FCMR: variants seen among roughly 807,000 people sequenced by gnomAD.
FCMR encodes Fc mu receptor.
Under a neutral mutation model 41.6 loss-of-function variants are expected in FCMR, and 34 were observed. The observed-to-expected ratio is 0.82, with a 90% CI of 0.62 to 1.09. The LOEUF (loss-of-function observed/expected upper bound fraction) is 1.09, where lower values mean the gene tolerates loss of function less well. Among genes scored for constraint, FCMR ranks in the 50% least tolerant of loss-of-function variants. FCMR has a pLI of 0.00. For synonymous variants in FCMR, 209 were observed against 211.8 expected (o/e 0.99, Z 0.12); for missense variants, 496 against 512.5 (o/e 0.97, Z 0.31).
In FCMR at chr1:206,904,348, T is replaced by C. The variant is rs993187581; in HGVS notation, c.*671A>G. The C allele has an allele frequency of 4.0e-5, 6 of 151,732 alleles. No homozygotes were observed. Among genetic ancestry groups the C allele is most frequent in the Non-Finnish European group, 7.4e-5 (5 of 67,992 alleles). 9.4% of individuals were successfully genotyped at this position (151,732 alleles called of 1,614,324 possible). On this transcript the variant is annotated 3_prime_UTR_variant, in exon 8 of 8. Transcript: ENST00000367091. ...AGATGCTGAGGTCAGGGCACTTATGTGCATCAAGTGATGGAGACAGAGTAA... is the reference window on the plus strand; with the variant it reads ...AGATGCTGAGGTCAGGGCACTTATGCGCATCAAGTGATGGAGACAGAGTAA...
At chr1:206,914,304 C>CT (rs1397746427) in intron 1 of FCMR, among the ~76,000 whole-genome samples, 1 of 143,400 alleles carries the variant, frequency 7.0e-6, no homozygotes, top group East Asian at 2.1e-4. Context: ...TTTTCTTTTT[C>CT]TTTTCTTTCC....
In FCMR at chr1:206,904,365, A is replaced by AC. The variant is rs1349108144; in HGVS notation, c.*653dup. 2.1e-4 allele frequency: 32 copies of AC among 151,604 alleles called. No homozygotes were observed. The highest frequency in any genetic ancestry group is 4.1e-4 in the Non-Finnish European group (28 of 68,012). 9.4% of individuals were successfully genotyped at this position (151,604 alleles called of 1,614,324 possible). A position where few individuals can be genotyped will look rare whatever the true frequency, so the allele number is the denominator to read the frequency against. On this transcript the variant is annotated 3_prime_UTR_variant, in exon 8 of 8. Coordinates refer to ENST00000367091, the MANE Select transcript of FCMR (RefSeq NM_005449.5). ...CACTTATGTGCATCAAGTGATGGAG[A>AC]CAGAGTAAAGAGAATTTATGGATAT...
At position 206,904,964 on chromosome 1, in the gene FCMR, G is replaced by C. The variant is rs1678557706; in HGVS notation, c.*55C>G. The C allele has an allele frequency of 1.6e-5, 25 of 1,597,180 alleles. No homozygotes were observed. The South Asian group carries it at 2.2e-4, about 14-fold the overall frequency. ...AGGTATTGGACATCAGCAGATAGATGAGACTCCTTGGCACCACAGTCCGAG... is the reference window on the plus strand; with the variant it reads ...AGGTATTGGACATCAGCAGATAGATCAGACTCCTTGGCACCACAGTCCGAG... On this transcript the variant is annotated 3_prime_UTR_variant, in exon 8 of 8. Transcript: ENST00000367091.
upstream of FCMR, among the ~76,000 whole-genome samples, chr1:206,922,156 A>G (rs1226196879): frequency 6.6e-6 from 1 of 152,220 alleles, no homozygotes; most frequent in Non-Finnish European, 1.5e-5. Flanking sequence ...ATTAGCAGTG[A>G]CCAGGCCTGA....
Position 206,912,900 on chromosome 1 carries a change from C to T in FCMR, c.487+29G>A, listed in dbSNP as rs757522550. ...CACATTGCCACAGCATCTCACCCAC[C>T]TCTCCTACCCTTGCTATGGTGAACT... On this transcript the variant is annotated intron_variant, in intron 3 of 7. Coordinates refer to ENST00000367091, the MANE Select transcript of FCMR (RefSeq NM_005449.5). 2.9e-5 allele frequency: 42 copies of T among 1,445,562 alleles called. No homozygotes were observed. In the South Asian group the frequency reaches 4.7e-4, roughly 16 times the overall value. 89.5% of individuals were successfully genotyped at this position (1,445,562 alleles called of 1,614,324 possible).
intron 1 of FCMR, 130 bp from the exon 2 acceptor site, chr1:206,914,224 G>T: frequency 1.5e-6 from 1 of 666,484 alleles, no homozygotes; most frequent in Non-Finnish European, 2.6e-6. Context: ...TTCATCCCCA[G>T]ATCCAGCCCT....
chr1:206,904,795 C>A lies in FCMR; in HGVS notation c.*224G>T. 1 of 548,400 alleles carries A rather than the reference C, an allele frequency of 1.8e-6. No individual in the cohort carries two copies. Among genetic ancestry groups the A allele is most frequent in the Admixed American group, 3.1e-5 (1 of 32,054 alleles). 34.0% of individuals were successfully genotyped at this position (548,400 alleles called of 1,614,324 possible). Reference sequence around the variant, plus strand: ...GCATTGGGACAATTGCTCTACATGCCTACAGCTTACCTGTCAACTACAGGG... The same window carrying A: ...GCATTGGGACAATTGCTCTACATGCATACAGCTTACCTGTCAACTACAGGG... On this transcript the variant is annotated 3_prime_UTR_variant, in exon 8 of 8. Coordinates refer to ENST00000367091, the MANE Select transcript of FCMR (RefSeq NM_005449.5).
intron 3 of FCMR, among the ~76,000 whole-genome samples, chr1:206,912,256 G>A (rs1215397137): frequency 1.3e-5 from 2 of 152,162 alleles, no homozygotes; most frequent in African/African-American, 4.8e-5. Context: ...GCCTTGTGCT[G>A]TATTTGCGTG....
At chr1:206,907,084 G>A (rs1678683189) in intron 7 of FCMR, among the ~76,000 whole-genome samples, 1 of 59,050 alleles carries the variant, frequency 1.7e-5, no homozygotes, top group Non-Finnish European at 3.3e-5. Flanking sequence ...AGAAGCCGGG[G>A]GGTGGGGGGG....
At chr1:206,911,249 T>TC (rs1421431161) in intron 4 of FCMR, among the ~76,000 whole-genome samples, 1 of 151,770 alleles carries the variant, frequency 6.6e-6, no homozygotes, top group East Asian at 1.9e-4. Flanking sequence ...TTTTTTTTTT[T>TC]TGGAGTCTGC....
At chr1:206,912,738 G>C (rs1033482844) in intron 3 of FCMR, among the ~76,000 whole-genome samples, 191 bp downstream of exon 3, 2 of 152,162 alleles carry the variant, frequency 1.3e-5, no homozygotes, top group Non-Finnish European at 2.9e-5. Context: ...CCTGACTGTC[G>C]GACAGGCTTG....
chr1:206,917,843 C>G, intron 1 of FCMR: 1 of 453,668 alleles, frequency 2.2e-6, no homozygotes, highest in Non-Finnish European at 4.4e-6. Flanking sequence ...GGTCTTGAAT[C>G]CCAGGCTCAA....
At position 206,905,042 on chromosome 1, in the gene FCMR, C is replaced by T. The variant is rs762854507; in HGVS notation, c.1150G>A (p.Asp384Asn). 3.1e-6 allele frequency: 5 copies of T among 1,614,098 alleles called. No individual in the cohort carries two copies. Among genetic ancestry groups the T allele is most frequent in the Non-Finnish European group, 3.4e-6 (4 of 1,180,004 alleles). Reference protein sequence around the residue: ...AAMMEDSDSDDYINVPA With the variant: ...AAMMEDSDSDNYINVPA ...TGTCAGGCAGGAACATTGATGTAGT[C>T]ATCTGAATCACTGTCCTCCATCATG... Residue 384 changes from aspartate (D) to asparagine (N), a missense_variant, in exon 8 of 8, where the codon GAC (aspartate) becomes AAC (asparagine). Asp to Asn is a conservative substitution (Grantham distance 23). Coordinates refer to ENST00000367091, the MANE Select transcript of FCMR (RefSeq NM_005449.5).
chr1:206,907,827 C>G, intron 7 of FCMR: 1 of 1,402,556 alleles, frequency 7.1e-7, no homozygotes, highest in Non-Finnish European at 1.0e-6. Context: ...TCCCGAGGTC[C>G]CTACCACTTC....
chr1:206,922,314 A>G (rs1397769252), upstream of FCMR, among the ~76,000 whole-genome samples: 1 of 152,210 alleles, frequency 6.6e-6, no homozygotes, highest in Non-Finnish European at 1.5e-5. Flanking sequence ...GAAAGGCTGT[A>G]TGGGCAGACG....
intron 1 of FCMR, 61 bp from the exon 2 acceptor site, chr1:206,914,155 C>T (rs1558003717): frequency 1.5e-6 from 2 of 1,328,640 alleles, no homozygotes; most frequent in South Asian, 2.5e-5. Context: ...CCAGCCCCAT[C>T]TACTTCCCAG....
Position 206,904,485 on chromosome 1 carries a change from G to A in FCMR, c.*534C>T, listed in dbSNP as rs1251760872. On this transcript the variant is annotated 3_prime_UTR_variant, in exon 8 of 8. Coordinates refer to ENST00000367091, the MANE Select transcript of FCMR (RefSeq NM_005449.5). ...GAGATAAGTAGACGTTCACTAGCAA[G>A]TGCTAACATTTGGATCAGGGCAAAG... is the stretch of plus-strand genomic sequence containing the variant. The A allele has an allele frequency of 6.4e-6, 1 of 155,574 alleles. No individual in the cohort carries two copies. Among genetic ancestry groups the A allele is most frequent in the Admixed American group, 6.2e-5 (1 of 16,178 alleles). 9.6% of individuals were successfully genotyped at this position (155,574 alleles called of 1,614,324 possible).
chr1:206,920,436 C>CAG (rs1679384665), intron 1 of FCMR, among the ~76,000 whole-genome samples: 1 of 125,256 alleles, frequency 8.0e-6, no homozygotes, highest in East Asian at 2.2e-4. Context: ...GTCGGGGCAA[C>CAG]AGAGAGAGAC....
At position 206,909,342 on chromosome 1, in the gene FCMR, G is replaced by A; in HGVS notation, c.1044+120C>T. 1 of 494,954 alleles carries A rather than the reference G, an allele frequency of 2.0e-6. No individual in the cohort carries two copies. Among genetic ancestry groups the A allele is most frequent in the Non-Finnish European group, 3.2e-6 (1 of 314,028 alleles). 30.7% of individuals were successfully genotyped at this position (494,954 alleles called of 1,614,324 possible). A position where few individuals can be genotyped will look rare whatever the true frequency, so the allele number is the denominator to read the frequency against. On this transcript the variant is annotated intron_variant, in intron 7 of 7. Coordinates refer to ENST00000367091, the MANE Select transcript of FCMR (RefSeq NM_005449.5). This position sits in a 1 kb window ranked among gnomAD's most constrained non-coding sequence, Gnocchi z 5.0. Reference sequence around the variant, plus strand: ...TCGGCTCAGGGCCCAGGAGCTGCTGGGAAACCCGCTCTCCGGATCGCGGCG... The same window carrying A: ...TCGGCTCAGGGCCCAGGAGCTGCTGAGAAACCCGCTCTCCGGATCGCGGCG...
Sources: gnomAD v4.1 joint callset for allele counts (sites outside exome capture counted in the v4.1 genomes callset) on GRCh38, gnomAD v4.1.1 for gene constraint, Gnocchi (gnomAD v3.1) non-coding constraint, MANE v1.5 for transcripts, NCBI Gene and HGNC (gene_info 2026-07-23, HGNC 2026-07-21) for gene names.